The following DPP10 variants were observed in gnomAD, a reference collection of about 807,000 sequenced individuals.
The protein encoded by DPP10 is inactive dipeptidyl peptidase 10.
Under a neutral mutation model 120.9 loss-of-function variants are expected in DPP10, and 33 were observed. The observed-to-expected ratio is 0.27, with a 90% confidence interval of 0.21 to 0.37. DPP10 has a LOEUF of 0.37. Ranked by LOEUF, DPP10 falls within the 10% of genes least tolerant of loss-of-function variation. The pLI is 1.00. For missense variants in DPP10, 816 were observed against 942.8 expected, an observed-to-expected ratio of 0.87 and a Z score of 1.76; for synonymous variants, 337 against 326.1, an observed-to-expected ratio of 1.03 and a Z score of -0.36.
intron 1 of DPP10, among the ~76,000 whole-genome samples, chr2:114,804,708 C>T (rs928858954): frequency 6.6e-6 from 1 of 152,178 alleles, no homozygotes; most frequent in South Asian, 2.1e-4. Context: ...AATACACATA[C>T]CCCATCGTAA....
intron 1 of DPP10, among the ~76,000 whole-genome samples, chr2:115,058,009 G>A (rs562387960): frequency 1.4e-4 from 22 of 152,272 alleles, no homozygotes; most frequent in African/African-American, 5.3e-4. Flanking sequence ...ATGCTTTGAG[G>A]GTTAAAATTT....
intron 21 of DPP10, among the ~76,000 whole-genome samples, chr2:115,826,536 C>T (rs1252461147): frequency 5.3e-5 from 8 of 151,862 alleles, no homozygotes; most frequent in South Asian, 4.1e-4. Context: ...GCCTGGCCAA[C>T]GTGGTAAAAC....
intron 1 of DPP10, among the ~76,000 whole-genome samples, chr2:114,564,010 T>G (rs1558884943): frequency 6.6e-6 from 1 of 152,204 alleles, no homozygotes; most frequent in Non-Finnish European, 1.5e-5. Context: ...GTGTGAAGTA[T>G]CAAGGGCTGG....
chr2:114,830,402 C>T (rs1686992991), intron 1 of DPP10, among the ~76,000 whole-genome samples: 1 of 152,160 alleles, frequency 6.6e-6, no homozygotes, highest in Admixed American at 6.5e-5. Context: ...GGAGTATCCT[C>T]CTTTCTTTCT....
In DPP10 at chr2:115,005,603, A is replaced by G. The variant is rs555576872; in HGVS notation, c.61-303636A>G. 1.9e-3 allele frequency among the ~76,000 whole-genome samples: 289 copies of G among 152,268 alleles called. 1 individual carries two copies. Among genetic ancestry groups the G allele is most frequent in the Non-Finnish European group, 2.9e-3 (198 of 68,032 alleles). On this transcript the variant is annotated intron_variant, in intron 1 of 25. Coordinates refer to ENST00000410059, the MANE Select transcript of DPP10 (RefSeq NM_020868.6). ...CTCAGGAGCCGATGTGATCAACTGG[A>G]AGAAAGGGTATCAGTAATGGAAGAT...
intron 5 of DPP10, among the ~76,000 whole-genome samples, chr2:115,552,367 C>A (rs977275384): frequency 7.9e-5 from 12 of 152,056 alleles, no homozygotes; most frequent in Non-Finnish European, 1.3e-4. Flanking sequence ...GTCTATGCTC[C>A]CATTTACTTT....
At chr2:114,719,212 G>A (rs1406621605) in intron 1 of DPP10, among the ~76,000 whole-genome samples, 4 of 152,168 alleles carry the variant, frequency 2.6e-5, no homozygotes, top group African/African-American at 7.2e-5. Context: ...GGCTGGTTGA[G>A]GGCTGAGCAT....
chr2:114,806,506 T>C (rs747937726), intron 1 of DPP10, among the ~76,000 whole-genome samples: 2 of 152,222 alleles, frequency 1.3e-5, no homozygotes, highest in Non-Finnish European at 2.9e-5. Flanking sequence ...GAAGTTTGCT[T>C]ATTTCTTTTC....
intron 3 of DPP10, among the ~76,000 whole-genome samples, chr2:115,460,008 T>G (rs943791602): frequency 6.7e-6 from 1 of 150,266 alleles, no homozygotes; most frequent in African/African-American, 2.4e-5. Flanking sequence ...GAATATGAAA[T>G]TTGTCCTCAA....
intron 3 of DPP10, among the ~76,000 whole-genome samples, chr2:115,391,683 A>G (rs1249610599): frequency 6.6e-6 from 1 of 151,938 alleles, no homozygotes; most frequent in East Asian, 1.9e-4. Context: ...AGCATTTATT[A>G]TAATTATAAA....
intron 1 of DPP10, among the ~76,000 whole-genome samples, chr2:115,270,074 A>C (rs1185236888): frequency 9.2e-6 from 1 of 108,730 alleles, no homozygotes; most frequent in African/African-American, 3.2e-5. Context: ...CTTCACACAC[A>C]CACACACACA....
At chr2:115,200,194 T>C (rs1471551146) in intron 1 of DPP10, among the ~76,000 whole-genome samples, 1 of 152,202 alleles carries the variant, frequency 6.6e-6, no homozygotes, top group Non-Finnish European at 1.5e-5. Context: ...CTATCTTCTC[T>C]GACAGATGGT....
intron 3 of DPP10, among the ~76,000 whole-genome samples, chr2:115,430,801 G>C (rs2070902325): frequency 6.6e-6 from 1 of 152,152 alleles, no homozygotes; most frequent in Non-Finnish European, 1.5e-5. Context: ...AATGGTAGAT[G>C]AGCAAATTGC....
intron 1 of DPP10, among the ~76,000 whole-genome samples, chr2:115,289,864 G>A (rs550854660): frequency 5.9e-5 from 9 of 152,112 alleles, no homozygotes; most frequent in Non-Finnish European, 7.4e-5. Context: ...GATTAAAGAC[G>A]TAAACCTAAG....
chr2:115,403,381 CTTTTTTTTTTTTTTTTT>C (rs78116780), intron 3 of DPP10, among the ~76,000 whole-genome samples: 19 of 118,466 alleles, frequency 1.6e-4, no homozygotes, highest in African/African-American at 3.9e-4. Flanking sequence ...TTCTTTCCTT[CTTTTTTTTTTTTTTTTT>C]TTTTTTTTTT....
chr2:115,205,064 T>G (rs529295340), intron 1 of DPP10, among the ~76,000 whole-genome samples: 5 of 152,310 alleles, frequency 3.3e-5, no homozygotes, highest in Admixed American at 6.5e-5. Context: ...TGTATATAGT[T>G]TCTTTTGCTG....
intron 21 of DPP10, among the ~76,000 whole-genome samples, chr2:115,825,576 T>A (rs970866667): frequency 6.6e-6 from 1 of 152,242 alleles, no homozygotes; most frequent in Non-Finnish European, 1.5e-5. Flanking sequence ...TCCCTCTGGA[T>A]ATCCAAACTT....
chr2:114,505,043 C>A (rs1157724648), intron 1 of DPP10, among the ~76,000 whole-genome samples: 3 of 99,514 alleles, frequency 3.0e-5, no homozygotes, highest in Non-Finnish European at 5.4e-5. Flanking sequence ...CAGAGTGAGA[C>A]TCTGTCTCAA....
chr2:114,678,585 A>G (rs181301181), intron 1 of DPP10, among the ~76,000 whole-genome samples: 173 of 151,736 alleles, frequency 1.1e-3, no homozygotes, highest in African/African-American at 4.0e-3. Flanking sequence ...GTGATTATTT[A>G]TTTACAAAAG....
Sources: gnomAD v4.1 joint callset for allele counts (sites outside exome capture counted in the v4.1 genomes callset) on GRCh38, gnomAD v4.1.1 for gene constraint, MANE v1.5 for transcripts, NCBI Gene and HGNC (gene_info 2026-07-23, HGNC 2026-07-21) for gene names.